CTNNBL1: variants seen among roughly 807,000 people sequenced by gnomAD.
The protein encoded by CTNNBL1 is beta-catenin-like protein 1.
In CTNNBL1, 31 loss-of-function variants were observed where a neutral mutation model predicts 72.7. That is an observed-to-expected ratio of 0.43 (90% confidence interval 0.32 to 0.58). CTNNBL1 has a LOEUF of 0.58. Among genes scored for constraint, CTNNBL1 ranks in the 20% least tolerant of loss-of-function variants. CTNNBL1 has a pLI of 0.08. For synonymous variants in CTNNBL1, 240 were observed against 267.3 expected (o/e 0.90, Z 1.00); for missense variants, 534 against 725.1 (o/e 0.74, Z 3.03).
At chr20:37,862,282 T>A (rs1279121412) in intron 15 of CTNNBL1, among the ~76,000 whole-genome samples, 5 of 152,172 alleles carry the variant, frequency 3.3e-5, no homozygotes, top group Admixed American at 3.3e-4. Flanking sequence ...GGCATTTACT[T>A]CTAATGCCCA....
At chr20:37,712,045 C>T (rs2072942698) in intron 1 of CTNNBL1, among the ~76,000 whole-genome samples, 3 of 152,218 alleles carry the variant, frequency 2.0e-5, no homozygotes, top group Non-Finnish European at 4.4e-5. Flanking sequence ...TTCTGGCCAG[C>T]TTAGCTGTGG....
At chr20:37,753,175 TTGCTGAAA>T (rs1215065895) in intron 4 of CTNNBL1, among the ~76,000 whole-genome samples, 1 of 152,196 alleles carries the variant, frequency 6.6e-6, no homozygotes, top group African/African-American at 2.4e-5. Flanking sequence ...TATTACTGCC[TTGCTGAAA>T]TGCTATTTTG....
intron 11 of CTNNBL1, among the ~76,000 whole-genome samples, chr20:37,818,360 A>C (rs2072077599): frequency 6.6e-6 from 1 of 152,208 alleles, no homozygotes; most frequent in Non-Finnish European, 1.5e-5. Flanking sequence ...GAGATCCTCC[A>C]GTCTCCCTGA....
intron 10 of CTNNBL1, among the ~76,000 whole-genome samples, chr20:37,790,105 C>A (rs2073710449): frequency 6.6e-6 from 1 of 152,112 alleles, no homozygotes. Context: ...AGAAAAATGT[C>A]TCTGATAAAG....
At chr20:37,768,102 A>T (rs2073487095) in intron 7 of CTNNBL1, 58 bp downstream of exon 7, 1 of 1,397,562 alleles carries the variant, frequency 7.2e-7, no homozygotes, top group Middle Eastern at 2.1e-4. Flanking sequence ...GGCTTGATTG[A>T]TGCTGGGTTA....
chr20:37,722,095 G>A (rs1300952602), intron 1 of CTNNBL1, among the ~76,000 whole-genome samples: 1 of 151,856 alleles, frequency 6.6e-6, no homozygotes, highest in Non-Finnish European at 1.5e-5. Flanking sequence ...AATGAGGTTG[G>A]GCTACTTTTT....
Position 37,780,044 on chromosome 20 carries a change from CTG to C in CTNNBL1, c.1031+712_1031+713del, listed in dbSNP as rs371217333. 5.4e-3 allele frequency among the ~76,000 whole-genome samples: 804 copies of C among 150,120 alleles called. 11 individuals are homozygous for C. Among genetic ancestry groups the C allele is most frequent in the African/African-American group, 0.019 (760 of 40,680 alleles). On this transcript the variant is annotated intron_variant, in intron 10 of 15. Transcript: ENST00000361383. Reference sequence around the variant, plus strand: ...GGGGAAGGCTGAGGGGATAACCAGACTGTGGTATAGGGTCAAGGGACTTAAAA... The same window carrying C: ...GGGGAAGGCTGAGGGGATAACCAGACTGGTATAGGGTCAAGGGACTTAAAA...
chr20:37,840,646 G>A (rs550630237), intron 12 of CTNNBL1, among the ~76,000 whole-genome samples: 1 of 152,344 alleles, frequency 6.6e-6, no homozygotes, highest in East Asian at 1.9e-4. Context: ...AGTGGGAGGT[G>A]AATTAGATAA....
At chr20:37,711,101 T>G (rs895187656) in intron 1 of CTNNBL1, among the ~76,000 whole-genome samples, 2 of 152,164 alleles carry the variant, frequency 1.3e-5, no homozygotes, top group Non-Finnish European at 2.9e-5. Flanking sequence ...AGACCCAACC[T>G]TTGGCCCTAG....
chr20:37,708,205 G>A (rs76926252), intron 1 of CTNNBL1, among the ~76,000 whole-genome samples: 2 of 149,956 alleles, frequency 1.3e-5, no homozygotes, highest in Admixed American at 1.3e-4. Flanking sequence ...TTTTTTTTTG[G>A]AGGTAGAGTC....
At chr20:37,812,658 C>T (rs1214654803) in intron 11 of CTNNBL1, among the ~76,000 whole-genome samples, 1 of 152,176 alleles carries the variant, frequency 6.6e-6, no homozygotes, top group Non-Finnish European at 1.5e-5. Context: ...ATTAAACAAA[C>T]CACCAGTCCC....
chr20:37,703,008 C>A (rs1445827869), intron 1 of CTNNBL1, among the ~76,000 whole-genome samples: 6 of 152,222 alleles, frequency 3.9e-5, no homozygotes, highest in Non-Finnish European at 7.3e-5. Flanking sequence ...GGGTTCACAA[C>A]TGATACTTCA....
chr20:37,869,379 C>A (rs1236319923), intron 15 of CTNNBL1, among the ~76,000 whole-genome samples: 1 of 152,250 alleles, frequency 6.6e-6, no homozygotes, highest in Non-Finnish European at 1.5e-5. Flanking sequence ...AAGCCTCTTA[C>A]TAGAGAGTTC....
intron 10 of CTNNBL1, among the ~76,000 whole-genome samples, chr20:37,792,755 G>A (rs1038860182): frequency 1.3e-5 from 2 of 152,040 alleles, no homozygotes; most frequent in South Asian, 2.1e-4. Flanking sequence ...TACCCCTAAG[G>A]GATACTCAAC....
intron 4 of CTNNBL1, among the ~76,000 whole-genome samples, chr20:37,751,869 T>C (rs1249444090): frequency 1.3e-5 from 2 of 152,252 alleles, no homozygotes; most frequent in Non-Finnish European, 2.9e-5. Flanking sequence ...GAGCTATATT[T>C]GTCTTGATAT....
At chr20:37,841,699 G>A (rs533226135) in intron 12 of CTNNBL1, among the ~76,000 whole-genome samples, 8 of 152,206 alleles carry the variant, frequency 5.3e-5, no homozygotes, top group African/African-American at 1.9e-4. Flanking sequence ...GAGTCTTGGG[G>A]AAAAAACAAA....
At chr20:37,787,024 G>T (rs143592366) in intron 10 of CTNNBL1, among the ~76,000 whole-genome samples, 2 of 151,028 alleles carry the variant, frequency 1.3e-5, no homozygotes, top group African/African-American at 4.9e-5. Context: ...AACATATTCC[G>T]TTCTTTTCTG....
At chr20:37,739,557 A>T (rs114217074) in intron 3 of CTNNBL1, among the ~76,000 whole-genome samples, 4,684 of 152,142 alleles carry the variant, frequency 0.031, 221 homozygotes, top group African/African-American at 0.11. Context: ...GAATTCCCAG[A>T]TTGAAGGGTA....
chr20:37,853,288 T>C (rs749680570), intron 13 of CTNNBL1, among the ~76,000 whole-genome samples: 2 of 152,364 alleles, frequency 1.3e-5, no homozygotes, highest in Middle Eastern at 3.4e-3. Flanking sequence ...TCCACTTATA[T>C]ATCTTTAGTG....
Sources: gnomAD v4.1 joint callset for allele counts (sites outside exome capture counted in the v4.1 genomes callset) on GRCh38, gnomAD v4.1.1 for gene constraint, MANE v1.5 for transcripts, NCBI Gene and HGNC (gene_info 2026-07-23, HGNC 2026-07-21) for gene names.